MOB3B: variants seen among roughly 807,000 people sequenced by gnomAD.
MOB3B encodes MOB kinase activator 3B, also known as MOB kinase activator-like 2B.
A neutral mutation model predicts 18.7 loss-of-function variants in MOB3B; 7 were observed. The observed-to-expected ratio is 0.37, with a 90% CI of 0.21 to 0.70. The LOEUF (loss-of-function observed/expected upper bound fraction) is 0.70, where lower values mean the gene tolerates loss of function less well. Ranked by LOEUF, MOB3B falls within the 30% of genes least tolerant of loss-of-function variation. The probability of loss-of-function intolerance (pLI) is 0.52; values close to 1 mark genes in which losing one functional copy is unlikely to be tolerated. For synonymous variants in MOB3B, 111 were observed against 99.9 expected (o/e 1.11, Z -0.66); for missense variants, 253 against 281.3 (o/e 0.90, Z 0.72).
chr9:27,350,849 C>G, intron 3 of MOB3B, among the ~76,000 whole-genome samples: 1 of 151,948 alleles, frequency 6.6e-6, no homozygotes. Flanking sequence ...CACACTCCAG[C>G]TACTCTTGGC....
rs74490029 is a variant in MOB3B, at chr9:27,480,930, C to T, written c.-198-25182G>A. Among the ~76,000 whole-genome samples the T allele has an allele frequency of 4.9e-3, 741 of 152,044 alleles. 6 individuals carry two copies. Among genetic ancestry groups the T allele is most frequent in the African/African-American group, 0.017 (710 of 41,492 alleles). Reference sequence around the variant, plus strand: ...TGACTCTATAAAAGAATAAAAGAAACGATGCCTTGTGGAGTTTGAAAAATT... The same window carrying T: ...TGACTCTATAAAAGAATAAAAGAAATGATGCCTTGTGGAGTTTGAAAAATT... On this transcript the variant is annotated intron_variant, in intron 1 of 3. Coordinates refer to ENST00000262244, the MANE Select transcript of MOB3B (RefSeq NM_024761.5).
rs150773221 is a variant in MOB3B at position 27,440,101 on chromosome 9, T to C, written c.418+15032A>G. ...CCTGGTTAGCAAGGCAGGTGTAAGA[T>C]TGGTCTCACCCTAGCAGTAAAACAC... On this transcript the variant is annotated intron_variant, in intron 2 of 3. Transcript: ENST00000262244. Among the ~76,000 whole-genome samples the C allele has an allele frequency of 1.1e-3, 175 of 152,324 alleles. 3 individuals are homozygous for C. The East Asian group carries it at 0.025, about 22-fold the overall frequency.
chr9:27,465,513 T>C (rs574747839), intron 1 of MOB3B, among the ~76,000 whole-genome samples: 1 of 152,206 alleles, frequency 6.6e-6, no homozygotes, highest in South Asian at 2.1e-4. Flanking sequence ...CATTCTGGGG[T>C]CTGGAAGACG....
At chr9:27,362,071 A>G (rs1161667588) in intron 2 of MOB3B, among the ~76,000 whole-genome samples, 1 of 152,176 alleles carries the variant, frequency 6.6e-6, no homozygotes, top group Non-Finnish European at 1.5e-5. Flanking sequence ...ACTGTCTCCA[A>G]GCGGCTCTGT....
intron 2 of MOB3B, among the ~76,000 whole-genome samples, chr9:27,408,000 C>A (rs531784682): frequency 2.0e-5 from 3 of 152,154 alleles, no homozygotes; most frequent in African/African-American, 7.2e-5. Context: ...CCTCACAGGC[C>A]TTTCTATCTC....
At chr9:27,425,198 A>G (rs1363666224) in intron 2 of MOB3B, among the ~76,000 whole-genome samples, 1 of 152,050 alleles carries the variant, frequency 6.6e-6, no homozygotes, top group Non-Finnish European at 1.5e-5. Context: ...CAACATGGAG[A>G]AACCCTGTGT....
chr9:27,491,417 G>A (rs1299956489), intron 1 of MOB3B, among the ~76,000 whole-genome samples: 1 of 152,082 alleles, frequency 6.6e-6, no homozygotes, highest in Non-Finnish European at 1.5e-5. Flanking sequence ...AGTGTGCAGT[G>A]TACTGTTACA....
At chr9:27,420,060 A>AAC (rs1227685353) in intron 2 of MOB3B, among the ~76,000 whole-genome samples, 2 of 152,228 alleles carry the variant, frequency 1.3e-5, no homozygotes, top group African/African-American at 4.8e-5. Context: ...AAAAATGTTC[A>AAC]ACATCACTAA....
intron 1 of MOB3B, among the ~76,000 whole-genome samples, chr9:27,522,640 A>G (rs947146347): frequency 6.6e-6 from 1 of 151,610 alleles, no homozygotes; most frequent in East Asian, 1.9e-4. Context: ...ATTGTTTTCC[A>G]TTTTTTGCTG....
intron 1 of MOB3B, among the ~76,000 whole-genome samples, chr9:27,507,955 G>C (rs1462095994): frequency 6.6e-6 from 1 of 152,150 alleles, no homozygotes; most frequent in Non-Finnish European, 1.5e-5. Context: ...CTGTTGAAAT[G>C]GATTTAGCAC....
At chr9:27,480,460 C>A (rs1166531314) in intron 1 of MOB3B, among the ~76,000 whole-genome samples, 1 of 152,160 alleles carries the variant, frequency 6.6e-6, no homozygotes, top group Non-Finnish European at 1.5e-5. Flanking sequence ...CCACCATGCT[C>A]GGCTAATTTT....
At chr9:27,333,306 T>G (rs966476302) in intron 3 of MOB3B, among the ~76,000 whole-genome samples, 1 of 152,094 alleles carries the variant, frequency 6.6e-6, no homozygotes, top group Non-Finnish European at 1.5e-5. Flanking sequence ...TGCAAGACTC[T>G]GCAAGCTGTA....
intron 2 of MOB3B, among the ~76,000 whole-genome samples, chr9:27,362,837 A>C (rs1210751805): frequency 2.0e-5 from 3 of 152,226 alleles, no homozygotes; most frequent in Non-Finnish European, 4.4e-5. Flanking sequence ...TACAGTTTGC[A>C]TACTATTTTC....
intron 2 of MOB3B, among the ~76,000 whole-genome samples, chr9:27,424,571 G>C (rs1038579287): frequency 1.4e-4 from 22 of 152,246 alleles, no homozygotes; most frequent in Non-Finnish European, 2.2e-4. Context: ...CCCAGTGAAA[G>C]AACCACCGGG....
At chr9:27,526,291 T>C (rs1341357279) in intron 1 of MOB3B, 1 of 152,216 alleles carries the variant, frequency 6.6e-6, no homozygotes, top group African/African-American at 2.4e-5. Context: ...TCATGGTATA[T>C]GCAGGCTATC....
chr9:27,411,788 G>T (rs901736577), intron 2 of MOB3B, among the ~76,000 whole-genome samples: 2 of 152,160 alleles, frequency 1.3e-5, no homozygotes, highest in Admixed American at 6.5e-5. Flanking sequence ...AAAACCCATA[G>T]AACTATACAC....
chr9:27,382,736 ATC>A (rs1554646520), intron 2 of MOB3B, among the ~76,000 whole-genome samples: 1 of 142,260 alleles, frequency 7.0e-6, no homozygotes, highest in Non-Finnish European at 1.5e-5. Context: ...ATATATATAT[ATC>A]CATCCAGGGG....
intron 2 of MOB3B, among the ~76,000 whole-genome samples, chr9:27,402,328 G>A (rs1463236779): frequency 2.0e-5 from 3 of 152,194 alleles, no homozygotes; most frequent in African/African-American, 7.2e-5. Flanking sequence ...AGCTCCATGA[G>A]AGCCTGGACT....
At chr9:27,526,834 T>G (rs1820444155) in intron 1 of MOB3B, among the ~76,000 whole-genome samples, 1 of 152,176 alleles carries the variant, frequency 6.6e-6, no homozygotes. Context: ...CTCCCATCAG[T>G]ATGACAGAAA....
Sources: gnomAD v4.1 joint callset for allele counts (sites outside exome capture counted in the v4.1 genomes callset) on GRCh38, gnomAD v4.1.1 for gene constraint, MANE v1.5 for transcripts, NCBI Gene and HGNC (gene_info 2026-07-23, HGNC 2026-07-21) for gene names.